ZNF638: variants seen among roughly 807,000 people sequenced by gnomAD.
The protein encoded by ZNF638 is CTCL tumor antigen se33-1.
A neutral mutation model predicts 195.6 loss-of-function variants in ZNF638; 46 were observed. That is an observed-to-expected ratio of 0.24 (90% CI 0.19 to 0.30). The LOEUF is 0.30. Among genes scored for constraint, ZNF638 ranks in the 10% least tolerant of loss-of-function variants. ZNF638 has a pLI of 1.00. For missense variants in ZNF638, 2,440 were observed against 2,325.3 expected (o/e 1.05, Z -1.01); for synonymous variants, 845 against 772.0 (o/e 1.09, Z -1.57).
intron 8 of ZNF638, among the ~76,000 whole-genome samples, chr2:71,379,274 C>T (rs1244656674): frequency 6.6e-6 from 1 of 152,146 alleles, no homozygotes; most frequent in Non-Finnish European, 1.5e-5. Flanking sequence ...TTTCAGTGGT[C>T]AGTTGTGGTT....
intron 5 of ZNF638, among the ~76,000 whole-genome samples, chr2:71,364,801 A>G (rs2079167072): frequency 6.6e-6 from 1 of 152,230 alleles, no homozygotes; most frequent in African/African-American, 2.4e-5. Flanking sequence ...TAATTATATA[A>G]GGCATTCCTT....
intron 26 of ZNF638, among the ~76,000 whole-genome samples, chr2:71,432,824 C>T (rs1338823864): frequency 6.6e-6 from 1 of 152,236 alleles, no homozygotes; most frequent in South Asian, 2.1e-4. Flanking sequence ...GTGGCTCACA[C>T]GTGTAATCCC....
intron 1 of ZNF638, among the ~76,000 whole-genome samples, chr2:71,338,136 CA>C (rs1481316320): frequency 1.3e-5 from 2 of 152,158 alleles, no homozygotes; most frequent in Non-Finnish European, 1.5e-5. Context: ...TGTTTCCCCC[CA>C]CTCCCCCTGG....
Position 71,403,900 on chromosome 2 carries a change from G to A in ZNF638, c.2860G>A (p.Glu954Lys). 1.3e-6 allele frequency: 2 copies of A among 1,593,400 alleles called. No homozygotes were observed. Among genetic ancestry groups the A allele is most frequent in the Non-Finnish European group, 1.7e-6 (2 of 1,164,036 alleles). ...TATAGAAATAAATAGAAAAGCTGCT[G>A]AGTCTATGGTAAAATTTTATACCTG... ...AYIEINRKAA[E>K]SMVKFYTCFP... The change falls in exon 17 of 28, where the codon GAG (glutamate) becomes AAG (lysine). Residue 954 changes from glutamate to lysine, a missense_variant. Coordinates refer to ENST00000264447, the MANE Select transcript of ZNF638 (RefSeq NM_014497.5).
In ZNF638 at chr2:71,384,628, A is replaced by G. The variant is rs373171930; in HGVS notation, c.2377+4063A>G. ...TAAGACTTCTTTTGGGGAGAGTTGGAGGACAGATTCTGATTTATCCTGTAA... is the reference window on the plus strand; with the variant it reads ...TAAGACTTCTTTTGGGGAGAGTTGGGGGACAGATTCTGATTTATCCTGTAA... On this transcript the variant is annotated intron_variant, in intron 10 of 27. Transcript: ENST00000264447. Among the ~76,000 whole-genome samples the G allele has an allele frequency of 3.9e-5, 6 of 152,148 alleles. No individual in the cohort carries two copies. In the South Asian group the frequency reaches 8.3e-4, roughly 21 times the overall value.
Position 71,422,940 on chromosome 2 carries a change from G to A in ZNF638, c.3426G>A (p.Gln1142=), listed in dbSNP as rs375891606. The A allele has an allele frequency of 1.8e-5, 29 of 1,614,028 alleles. No individual in the cohort carries two copies. In the African/African-American group the frequency reaches 3.6e-4, roughly 20 times the overall value. The change falls in exon 22 of 28, where the codon CAG becomes CAA. Residue 1142 remains glutamine (Q), a synonymous_variant. Transcript: ENST00000264447. ...GCATTCAAACAGAAACTTTGGTACA[G>A]CAGGAAGAGCCTTGTGAGGAAGAAG... ...TPSIQTETLV[Q]QEEPCEEEAE... is the part of the protein sequence containing the mutation.
In ZNF638 at chr2:71,349,329, A is replaced by T; in HGVS notation, c.375A>T (p.Thr125=). ...AVKQSSVTQV[T]EQSPKVQSRY... ...AACAGAGTTCTGTAACACAGGTTAC[A>T]GAGCAGAGTCCCAAAGTACAGAGCC... is the stretch of plus-strand genomic sequence containing the variant. The change falls in exon 2 of 28, where the codon ACA becomes ACT. Residue 125 remains threonine, a synonymous_variant. Transcript: ENST00000264447. 1.1e-5 allele frequency: 18 copies of T among 1,614,224 alleles called. No homozygotes were observed. Among genetic ancestry groups the T allele is most frequent in the Non-Finnish European group, 1.5e-5 (18 of 1,180,042 alleles).
intron 8 of ZNF638, among the ~76,000 whole-genome samples, chr2:71,371,286 A>G (rs1037837033): frequency 6.6e-6 from 1 of 152,186 alleles, no homozygotes; most frequent in Admixed American, 6.5e-5. Context: ...GCTAATGTGA[A>G]CAGTGCTGCA....
chr2:71,362,060 TA>T (rs1286879265), intron 3 of ZNF638, among the ~76,000 whole-genome samples: 3 of 152,250 alleles, frequency 2.0e-5, no homozygotes, highest in Non-Finnish European at 4.4e-5. Context: ...TTATTTAATA[TA>T]ATCAGCATGT....
At chr2:71,410,992 C>CTTTTTTTTT (rs775391313) in intron 20 of ZNF638, among the ~76,000 whole-genome samples, 2 of 24,506 alleles carry the variant, frequency 8.2e-5, no homozygotes, top group African/African-American at 1.5e-4. Context: ...CTCCCCCCCC[C>CTTTTTTTTT]TTTTTTTTTT....
intron 18 of ZNF638, among the ~76,000 whole-genome samples, 174 bp downstream of exon 18, chr2:71,405,816 C>T (rs2080094720): frequency 1.3e-5 from 2 of 152,052 alleles, no homozygotes; most frequent in African/African-American, 4.8e-5. Context: ...TCTTGTAGTA[C>T]TTGATGCGAA....
At chr2:71,347,166 A>G (rs551955807) in intron 1 of ZNF638, among the ~76,000 whole-genome samples, 20 of 152,290 alleles carry the variant, frequency 1.3e-4, no homozygotes, top group South Asian at 2.1e-4. Flanking sequence ...ATTGGAAGAG[A>G]TGAAGAGATT....
chr2:71,404,113 A>G, intron 17 of ZNF638, 115 bp downstream of exon 17: 1 of 1,067,120 alleles, frequency 9.4e-7, no homozygotes. Flanking sequence ...ACAGACACTG[A>G]GAAAGCTTCT....
chr2:71,396,115 C>G, intron 10 of ZNF638, 26 bp from the exon 11 acceptor site: 6 of 1,606,140 alleles, frequency 3.7e-6, no homozygotes, highest in Non-Finnish European at 5.1e-6. Flanking sequence ...TAATGTAGTA[C>G]TTAAATGTTT....
chr2:71,357,169 A>G (rs1277205153), intron 3 of ZNF638, among the ~76,000 whole-genome samples: 2 of 152,064 alleles, frequency 1.3e-5, no homozygotes, highest in South Asian at 2.1e-4. Flanking sequence ...TTCTTTCTCC[A>G]TAACTCTGGC....
intron 8 of ZNF638, among the ~76,000 whole-genome samples, chr2:71,373,618 C>T (rs2079361019): frequency 6.7e-6 from 1 of 148,764 alleles, no homozygotes; most frequent in South Asian, 2.1e-4. Context: ...TGGGGTTTCA[C>T]CATGTTAGCC....
At chr2:71,421,892 A>G (rs900104386) in intron 21 of ZNF638, among the ~76,000 whole-genome samples, 1 of 152,180 alleles carries the variant, frequency 6.6e-6, no homozygotes, top group African/African-American at 2.4e-5. Flanking sequence ...TATTGATATA[A>G]AAATAACTTA....
intron 1 of ZNF638, among the ~76,000 whole-genome samples, chr2:71,332,113 G>A (rs2078580963): frequency 6.6e-6 from 1 of 152,208 alleles, no homozygotes; most frequent in Admixed American, 6.5e-5. Flanking sequence ...CTACCCGGGA[G>A]GGCCCGTCCG....
intron 1 of ZNF638, among the ~76,000 whole-genome samples, chr2:71,340,349 A>G (rs1235074945): frequency 6.6e-6 from 1 of 152,228 alleles, no homozygotes; most frequent in East Asian, 1.9e-4. Context: ...ACAAGAGAGG[A>G]CAAAGACTAA....
Sources: gnomAD v4.1 joint callset for allele counts (sites outside exome capture counted in the v4.1 genomes callset) on GRCh38, gnomAD v4.1.1 for gene constraint, MANE v1.5 for transcripts, NCBI Gene and HGNC (gene_info 2026-07-23, HGNC 2026-07-21) for gene names.